Variants in ADAMTSL1 observed in about 807,000 individuals in gnomAD.
ADAMTSL1 encodes the protein ADAMTS like 1, also known as ADAMTS-like protein 1.
Under a neutral mutation model 201.8 loss-of-function variants are expected in ADAMTSL1, and 126 were observed. That is an observed-to-expected ratio of 0.62 (90% CI 0.54 to 0.72). The LOEUF (loss-of-function observed/expected upper bound fraction) is 0.72, where lower values mean the gene tolerates loss of function less well. Among genes scored for constraint, ADAMTSL1 ranks in the 30% least tolerant of loss-of-function variants. The probability of loss-of-function intolerance (pLI) is 0.00; values close to 1 mark genes in which losing one functional copy is unlikely to be tolerated. For synonymous variants in ADAMTSL1, 1,121 were observed against 903.4 expected (o/e 1.24, Z -4.32); for missense variants, 2,679 against 2,277.8 (o/e 1.18, Z -3.59).
intron 1 of ADAMTSL1, among the ~76,000 whole-genome samples, chr9:18,059,203 T>G (rs552675403): frequency 6.6e-6 from 1 of 152,322 alleles, no homozygotes; most frequent in African/African-American, 2.4e-5. Flanking sequence ...ACATTGTCTC[T>G]CCTCTGAGTA....
chr9:18,349,259 A>T (rs2133014044), intron 2 of ADAMTSL1, among the ~76,000 whole-genome samples: 1 of 152,322 alleles, frequency 6.6e-6, no homozygotes, highest in African/African-American at 2.4e-5. Context: ...AACTTGGAAA[A>T]CAATGAGGGC....
intron 2 of ADAMTSL1, among the ~76,000 whole-genome samples, chr9:18,389,677 C>T (rs1015720295): frequency 2.6e-5 from 4 of 152,154 alleles, no homozygotes; most frequent in African/African-American, 9.7e-5. Context: ...TACACATTCT[C>T]TTCATCAATA....
At chr9:18,424,612 G>GTTC (rs1472651549) in intron 2 of ADAMTSL1, among the ~76,000 whole-genome samples, 2 of 152,112 alleles carry the variant, frequency 1.3e-5, no homozygotes, top group African/African-American at 4.8e-5. Flanking sequence ...ATATACAAGG[G>GTTC]GAAGAAAGCT....
chr9:18,564,171 G>A (rs184850627), intron 3 of ADAMTSL1, among the ~76,000 whole-genome samples: 8 of 152,310 alleles, frequency 5.3e-5, no homozygotes, highest in East Asian at 1.9e-4. Context: ...CCTGGTCTGC[G>A]CATTGCAAAG....
chr9:18,439,551 G>A (rs1322751637), intron 2 of ADAMTSL1, among the ~76,000 whole-genome samples: 3 of 152,136 alleles, frequency 2.0e-5, no homozygotes, highest in African/African-American at 4.8e-5. Flanking sequence ...ATTTTTAGTA[G>A]AGACGGGATT....
At chr9:18,454,640 C>G (rs1820535621) in intron 2 of ADAMTSL1, among the ~76,000 whole-genome samples, 1 of 152,146 alleles carries the variant, frequency 6.6e-6, no homozygotes, top group Non-Finnish European at 1.5e-5. Context: ...GTCAGGATTC[C>G]AGAAAACAGA....
intron 4 of ADAMTSL1, among the ~76,000 whole-genome samples, chr9:18,576,680 G>A (rs1022582104): frequency 3.3e-5 from 5 of 152,108 alleles, no homozygotes; most frequent in African/African-American, 1.2e-4. Flanking sequence ...TGTGTTTGTT[G>A]TAAATTTCTT....
chr9:18,349,239 T>C (rs951648087), intron 2 of ADAMTSL1, among the ~76,000 whole-genome samples: 2 of 152,216 alleles, frequency 1.3e-5, no homozygotes, highest in South Asian at 2.1e-4. Flanking sequence ...CGCTCTCATA[T>C]ACATGGGTGA....
chr9:18,791,836 A>G (rs770844757), intron 19 of ADAMTSL1, among the ~76,000 whole-genome samples: 5 of 152,168 alleles, frequency 3.3e-5, no homozygotes, highest in Non-Finnish European at 7.4e-5. Flanking sequence ...CGCTACTCCT[A>G]TTCTAGTTCA....
At chr9:18,352,121 A>C (rs1835992828) in intron 2 of ADAMTSL1, among the ~76,000 whole-genome samples, 1 of 151,968 alleles carries the variant, frequency 6.6e-6, no homozygotes, top group African/African-American at 2.4e-5. Flanking sequence ...CTTTGTTCTT[A>C]TTTTAAAATA....
chr9:17,965,521 G>A (rs1312735291), intron 1 of ADAMTSL1, among the ~76,000 whole-genome samples: 1 of 152,098 alleles, frequency 6.6e-6, no homozygotes, highest in African/African-American at 2.4e-5. Flanking sequence ...AAAATTTAAA[G>A]CAATCACATC....
chr9:18,303,669 C>T (rs1036266043), intron 2 of ADAMTSL1, among the ~76,000 whole-genome samples: 10 of 152,128 alleles, frequency 6.6e-5, no homozygotes, highest in Middle Eastern at 3.4e-3. Context: ...AGAGAGAGCG[C>T]GGAAAGGCAG....
chr9:18,373,361 T>G (rs1226805639), intron 2 of ADAMTSL1, among the ~76,000 whole-genome samples: 2 of 152,208 alleles, frequency 1.3e-5, no homozygotes, highest in Non-Finnish European at 2.9e-5. Context: ...TGAAATTACT[T>G]AATCCTGATT....
chr9:18,650,882 C>A (rs942614812), intron 7 of ADAMTSL1, among the ~76,000 whole-genome samples: 8 of 152,152 alleles, frequency 5.3e-5, no homozygotes, highest in Non-Finnish European at 8.8e-5. Flanking sequence ...AACCTGTTTA[C>A]TCTTTTATGG....
chr9:17,952,012 G>A (rs1482257892), intron 1 of ADAMTSL1, among the ~76,000 whole-genome samples: 1 of 151,904 alleles, frequency 6.6e-6, no homozygotes, highest in African/African-American at 2.4e-5. Context: ...TATTGCCCAG[G>A]CTAGTCTTGA....
intron 14 of ADAMTSL1, among the ~76,000 whole-genome samples, chr9:18,715,857 C>T (rs987765568): frequency 2.6e-5 from 4 of 151,822 alleles, no homozygotes; most frequent in Non-Finnish European, 4.4e-5. Flanking sequence ...CTACAGTAAC[C>T]AAAACAGCAT....
chr9:18,557,187 TG>T (rs1393001716), intron 3 of ADAMTSL1, among the ~76,000 whole-genome samples: 1 of 152,004 alleles, frequency 6.6e-6, no homozygotes, highest in Non-Finnish European at 1.5e-5. Context: ...CTTTGGACAA[TG>T]TGACATAAGA....
intron 1 of ADAMTSL1, among the ~76,000 whole-genome samples, chr9:18,495,620 T>C (rs746463576): frequency 6.6e-6 from 1 of 152,218 alleles, no homozygotes; most frequent in Non-Finnish European, 1.5e-5. Context: ...TAGTTACAGC[T>C]ACAGGTTAAG....
At chr9:18,667,196 T>C (rs1479956741) in intron 9 of ADAMTSL1, among the ~76,000 whole-genome samples, 8 of 151,944 alleles carry the variant, frequency 5.3e-5, no homozygotes, top group Non-Finnish European at 1.2e-4. Context: ...GCGGCAATTC[T>C]TGGCAAGTTT....
Sources: allele counts gnomAD v4.1 joint callset (sites outside exome capture counted in the v4.1 genomes callset), GRCh38; gene constraint gnomAD v4.1.1; transcripts MANE v1.5; gene names NCBI Gene and HGNC (gene_info 2026-07-23, HGNC 2026-07-21).